The following TAF3 variants were observed in gnomAD, a reference collection of about 807,000 sequenced individuals.
TAF3 encodes the protein transcription initiation factor TFIID subunit 3.
In TAF3, 7 loss-of-function variants were observed where a neutral mutation model predicts 80.6. The observed-to-expected ratio is 0.09, with a 90% confidence interval of 0.05 to 0.16. The LOEUF is 0.16. TAF3 is among the 10% of genes least tolerant of loss of function. The pLI is 1.00. For synonymous variants in TAF3, 444 were observed against 446.1 expected (o/e 1.00, Z 0.06); for missense variants, 921 against 1,140.2 (o/e 0.81, Z 2.77).
chr10:7,946,577 T>G (rs1838026344), intron 2 of TAF3, among the ~76,000 whole-genome samples: 1 of 152,118 alleles, frequency 6.6e-6, no homozygotes, highest in African/African-American at 2.4e-5. Flanking sequence ...ACAAAAATTA[T>G]CCAGGCGTAG....
chr10:7,995,176 A>C (rs1831876433), intron 4 of TAF3, among the ~76,000 whole-genome samples: 1 of 152,020 alleles, frequency 6.6e-6, no homozygotes, highest in Admixed American at 6.5e-5. Flanking sequence ...TTCACTATGG[A>C]TATGCTTACA....
intron 5 of TAF3, among the ~76,000 whole-genome samples, chr10:8,011,731 T>C (rs1054469132): frequency 6.6e-6 from 1 of 152,234 alleles, no homozygotes; most frequent in African/African-American, 2.4e-5. Context: ...TTAACCTCCT[T>C]GACCTTCGTG....
chr10:7,926,220 C>A (rs896183304), intron 2 of TAF3, among the ~76,000 whole-genome samples: 1 of 152,026 alleles, frequency 6.6e-6, no homozygotes, highest in Admixed American at 6.5e-5. Context: ...TCCTCTTTTA[C>A]TTTCTCCCTC....
chr10:7,988,663 A>AGGG (rs2131426653), intron 4 of TAF3, among the ~76,000 whole-genome samples: 1 of 143,608 alleles, frequency 7.0e-6, no homozygotes, highest in Admixed American at 7.1e-5. Context: ...AGGCAGGAGG[A>AGGG]CCACTTGAGC....
intron 4 of TAF3, among the ~76,000 whole-genome samples, chr10:7,998,054 C>T (rs1831905995): frequency 6.6e-6 from 1 of 151,720 alleles, no homozygotes; most frequent in Admixed American, 6.6e-5. Context: ...TAGCTTAAGT[C>T]AAACTTTCAA....
chr10:7,959,588 T>A (rs1418445477), intron 2 of TAF3, among the ~76,000 whole-genome samples: 1 of 152,226 alleles, frequency 6.6e-6, no homozygotes, highest in Non-Finnish European at 1.5e-5. Context: ...TGTTAAGTTT[T>A]TTTTACTGAA....
At position 7,964,366 on chromosome 10, in the gene TAF3, C is replaced by A; in HGVS notation, c.856C>A (p.Pro286Thr). 6.2e-7 allele frequency: 1 copy of A among 1,614,132 alleles called. No homozygotes were observed. The highest frequency in any genetic ancestry group is 2.2e-5 in the East Asian group (1 of 44,878). Residue 286 changes from proline (P) to threonine (T), a missense_variant, in exon 3 of 7, where the codon CCT (proline) becomes ACT (threonine). By Grantham distance (38) the Pro-to-Thr change is conservative (BLOSUM62 -1). Around this residue, in one of 6 missense-constraint regions of TAF3, gnomAD observed 743 missense variants for 821.0 expected, o/e 0.90. Transcript: ENST00000344293. The surrounding 1 kb of genome is among the most constrained non-coding windows in gnomAD (Gnocchi z 4.1). ...CTCTCCAGGACAGAAGACTAAATCA[C>A]CTAAAACCGCCCAGTCACCAGCAAT... Reference protein sequence around the residue: ...TSSPGQKTKSPKTAQSPAMVG... With the variant: ...TSSPGQKTKSTKTAQSPAMVG...
rs139354987 is a variant in TAF3, at chr10:7,849,436, G to T, written c.409+24876G>T. Among the ~76,000 whole-genome samples, 246 of 152,072 alleles carry T rather than the reference G, an allele frequency of 1.6e-3. 1 individual carries two copies. The highest frequency in any genetic ancestry group is 5.8e-3 in the African/African-American group (239 of 41,548). The stretch of plus-strand genomic sequence containing the variant: ...CCACTGGTGTCATCCTGTAGATCTT[G>T]CACTTCTGGGACGATTTAGGGTTAT... On this transcript the variant is annotated intron_variant, in intron 2 of 6. Coordinates refer to ENST00000344293, the MANE Select transcript of TAF3 (RefSeq NM_031923.4).
At chr10:7,967,794 T>C (rs895422837) in intron 3 of TAF3, among the ~76,000 whole-genome samples, 89 of 152,296 alleles carry the variant, frequency 5.8e-4, no homozygotes, top group African/African-American at 2.0e-3. Flanking sequence ...AACCTGGAGA[T>C]TGCTGCTCCA....
chr10:7,880,431 A>G (rs778957981), intron 2 of TAF3, among the ~76,000 whole-genome samples: 19 of 152,188 alleles, frequency 1.2e-4, no homozygotes, highest in Non-Finnish European at 2.6e-4. Context: ...GGTGGATGTG[A>G]GAAATAAGAA....
intron 2 of TAF3, among the ~76,000 whole-genome samples, chr10:7,935,543 C>G (rs993734796): frequency 7.9e-5 from 12 of 152,136 alleles, no homozygotes; most frequent in African/African-American, 2.7e-4. Flanking sequence ...GAGATCGCGC[C>G]ACTGCACTCC....
chr10:7,963,779 G>A, intron 2 of TAF3, 141 bp from the exon 3 acceptor site: 1 of 825,226 alleles, frequency 1.2e-6, no homozygotes, highest in Middle Eastern at 3.7e-4. Context: ...TGCATGTTGT[G>A]CCCATGTACC....
At chr10:7,923,082 C>T (rs147554826) in intron 2 of TAF3, among the ~76,000 whole-genome samples, 35 of 152,008 alleles carry the variant, frequency 2.3e-4, no homozygotes, top group African/African-American at 6.5e-4. Flanking sequence ...TATGAATAAA[C>T]AAAAGTCATT....
chr10:7,824,269 T>C, intron 1 of TAF3, 49 bp from the exon 2 acceptor site: 2 of 1,568,478 alleles, frequency 1.3e-6, no homozygotes, highest in East Asian at 2.3e-5. Flanking sequence ...TAAAAATATA[T>C]TCGTGGGATT....
intron 2 of TAF3, among the ~76,000 whole-genome samples, chr10:7,877,904 A>G (rs1837325446): frequency 6.6e-6 from 1 of 152,160 alleles, no homozygotes; most frequent in Admixed American, 6.5e-5. Flanking sequence ...GTTAATTTCT[A>G]TACTGTAACG....
intron 2 of TAF3, among the ~76,000 whole-genome samples, chr10:7,944,740 G>C (rs1268117416): frequency 1.3e-5 from 2 of 152,186 alleles, no homozygotes; most frequent in Non-Finnish European, 2.9e-5. Flanking sequence ...AGAAGAATTA[G>C]ACAAAAGTGA....
At chr10:7,917,316 GA>G (rs1366707625) in intron 2 of TAF3, among the ~76,000 whole-genome samples, 6 of 152,230 alleles carry the variant, frequency 3.9e-5, no homozygotes, top group Non-Finnish European at 8.8e-5. Flanking sequence ...TCGAAGGGAA[GA>G]AGTCCACATG....
chr10:7,944,890 AT>A lies in TAF3; in HGVS notation c.410-19023del, dbSNP rs1009722499. Reference sequence around the variant, plus strand: ...GCTTTAGAGCCCCAGGTCTTGAGATATTTTTTTCCAGAATTTTGTCAAGGTC... The same window carrying A: ...GCTTTAGAGCCCCAGGTCTTGAGATATTTTTTCCAGAATTTTGTCAAGGTC... On this transcript the variant is annotated intron_variant, in intron 2 of 6. Coordinates refer to ENST00000344293, the MANE Select transcript of TAF3 (RefSeq NM_031923.4). Among the ~76,000 whole-genome samples, 10 of 152,122 alleles carry A rather than the reference AT, an allele frequency of 6.6e-5. 1 individual carries two copies. The highest frequency in any genetic ancestry group is 2.2e-4 in the African/African-American group (9 of 41,410).
At chr10:7,914,932 CTTTTTTTTTTTT>C (rs869094036) in intron 2 of TAF3, among the ~76,000 whole-genome samples, 1 of 84,968 alleles carries the variant, frequency 1.2e-5, no homozygotes, top group African/African-American at 5.5e-5. Flanking sequence ...TGCTCCCAGC[CTTTTTTTTTTTT>C]TTTTTTTTTT....
Sources: allele counts gnomAD v4.1 joint callset (sites outside exome capture counted in the v4.1 genomes callset), GRCh38; gene constraint gnomAD v4.1.1; regional missense constraint gnomAD v4.1.1; non-coding constraint Gnocchi (gnomAD v3.1); transcripts MANE v1.5; gene names NCBI Gene and HGNC (gene_info 2026-07-23, HGNC 2026-07-21).